The following ATXN7L2 variants were observed in gnomAD, a reference collection of about 807,000 sequenced individuals.
ATXN7L2 encodes the protein ataxin-7-like protein 2.
A neutral mutation model predicts 59.6 loss-of-function variants in ATXN7L2; 17 were observed. The observed-to-expected ratio is 0.29, with a 90% CI of 0.20 to 0.43. The LOEUF (loss-of-function observed/expected upper bound fraction) is 0.43, where lower values mean the gene tolerates loss of function less well. Among genes scored for constraint, ATXN7L2 ranks in the 20% least tolerant of loss-of-function variants. The probability of loss-of-function intolerance (pLI) is 1.00; values close to 1 mark genes in which losing one functional copy is unlikely to be tolerated. For missense variants in ATXN7L2, 858 were observed against 1,008.9 expected, an observed-to-expected ratio of 0.85 and a Z score of 2.03; for synonymous variants, 378 against 392.5, an observed-to-expected ratio of 0.96 and a Z score of 0.44.
Position 109,491,741 on chromosome 1 carries a change from T to C in ATXN7L2, c.2250+24T>C, listed in dbSNP as rs1174162334. ...AGGTACCAGCCAGGCTCCCTGAAGATTGATGAGGGTGGGGCACACAGGGGG... is the reference window on the plus strand; with the variant it reads ...AGGTACCAGCCAGGCTCCCTGAAGACTGATGAGGGTGGGGCACACAGGGGG... On this transcript the variant is annotated intron_variant, in intron 10 of 10. Coordinates refer to ENST00000683729, the MANE Select transcript of ATXN7L2 (RefSeq NM_001350175.2). This position sits in a 1 kb window ranked among gnomAD's most constrained non-coding sequence, Gnocchi z 4.1. 1.3e-6 allele frequency: 2 copies of C among 1,557,948 alleles called. No homozygotes were observed. The highest frequency in any genetic ancestry group is 1.7e-6 in the Non-Finnish European group (2 of 1,148,938).
chr1:109,489,461 A>G (rs1656855089), intron 7 of ATXN7L2: 1 of 343,276 alleles, frequency 2.9e-6, no homozygotes, highest in South Asian at 4.1e-5. Flanking sequence ...TGCAGAGGCT[A>G]TGCCGGACCC....
chr1:109,487,599 C>G lies in ATXN7L2; in HGVS notation c.591C>G (p.Pro197=), dbSNP rs770335760. The change falls in exon 5 of 11, where the codon CCC becomes CCG. Residue 197 remains proline (P), a synonymous_variant. Transcript: ENST00000683729. ...GACATGGAATCAGGGTGGCCCCACC[C>G]TCTGCTTTTCTCAGCCAGCCAGGGG... ...PDGHGIRVAP[P]SAFLSQPGGL... is the part of the protein sequence containing the mutation. 1.3e-6 allele frequency: 2 copies of G among 1,577,540 alleles called. No individual in the cohort carries two copies. Among genetic ancestry groups the G allele is most frequent in the African/African-American group, 1.4e-5 (1 of 73,528 alleles).
rs1265024991 is a variant in ATXN7L2 at position 109,487,156 on chromosome 1, G to A, written c.448G>A (p.Gly150Ser). 3.1e-6 allele frequency: 5 copies of A among 1,605,494 alleles called. No individual in the cohort carries two copies. The highest frequency in any genetic ancestry group is 4.3e-6 in the Non-Finnish European group (5 of 1,175,944). Residue 150 changes from glycine to serine, a missense_variant, in exon 4 of 11, where the codon GGC becomes AGC. Around this residue, in one of 3 missense-constraint regions of ATXN7L2, gnomAD observed 734 missense variants for 862.3 expected, o/e 0.85. Coordinates refer to ENST00000683729, the MANE Select transcript of ATXN7L2 (RefSeq NM_001350175.2). ...CACGAAAACCTCCTCCAGGGAGAAG[G>A]GCCAGGGGTCCCGGAGCCGTGGCCA... Reference protein sequence around the residue: ...GSTKTSSREKGQGSRSRGHQP... With the variant: ...GSTKTSSREKSQGSRSRGHQP...
chr1:109,491,076 C>T lies in ATXN7L2; in HGVS notation c.1609C>T (p.Leu537Phe). 6.2e-7 allele frequency: 1 copy of T among 1,613,800 alleles called. No individual in the cohort carries two copies. Among genetic ancestry groups the T allele is most frequent in the Non-Finnish European group, 8.5e-7 (1 of 1,180,014 alleles). Residue 537 changes from leucine (L) to phenylalanine (F), a missense_variant, in exon 10 of 11, where the codon CTT becomes TTT. This residue lies in a region of ATXN7L2 where 734 missense variants were observed against 862.3 expected (regional missense o/e 0.85). Transcript: ENST00000683729. The surrounding 1 kb of genome is among the most constrained non-coding windows in gnomAD (Gnocchi z 4.1). ...PASMPPTKDN[L>F]VPSYPAGSPS... ...CTCCATGCCCCCCACCAAGGACAAC[C>T]TTGTCCCCAGCTACCCTGCAGGCTC...
chr1:109,484,134 C>T (rs966648910), intron 1 of ATXN7L2, 54 bp downstream of exon 1: 94 of 1,367,410 alleles, frequency 6.9e-5, no homozygotes, highest in Non-Finnish European at 8.5e-5. Flanking sequence ...CCCCTCCCCC[C>T]TTCCGGGCCC....
At position 109,486,627 on chromosome 1, in the gene ATXN7L2, G is replaced by A. The variant is rs1656600759; in HGVS notation, c.298+17G>A. 6.2e-7 allele frequency: 1 copy of A among 1,602,742 alleles called. No homozygotes were observed. Among genetic ancestry groups the A allele is most frequent in the Non-Finnish European group, 8.5e-7 (1 of 1,170,178 alleles). ...AGCACTGCGGTGAGGGGAGCCCTAG[G>A]GAGGAGATAAAGGGACAGGGGAAGG... On this transcript the variant is annotated intron_variant, in intron 3 of 10. Transcript: ENST00000683729. This position sits in a 1 kb window ranked among gnomAD's most constrained non-coding sequence, Gnocchi z 4.3.
chr1:109,487,724 G>A lies in ATXN7L2; in HGVS notation c.716G>A (p.Ser239Asn). ...NIEIIPSEGS[S>N]HWAEGSPPEK... ...GAGATCATCCCCAGTGAGGGGTCCAGTCACTGGGCTGAAGGCAGCCCTCCT... is the reference window on the plus strand; with the variant it reads ...GAGATCATCCCCAGTGAGGGGTCCAATCACTGGGCTGAAGGCAGCCCTCCT... Residue 239 changes from serine (S) to asparagine (N), a missense_variant, in exon 5 of 11, where the codon AGT becomes AAT. Transcript: ENST00000683729. 1 of 1,613,526 alleles carries A rather than the reference G, an allele frequency of 6.2e-7. No individual in the cohort carries two copies. Among genetic ancestry groups the A allele is most frequent in the Admixed American group, 1.7e-5 (1 of 59,954 alleles).
Position 109,486,317 on chromosome 1 carries a change from T to C in ATXN7L2, c.194-189T>C. ...ATCATAATCATAGGTGATTGCCCAC[T>C]CACCTGAAAGCGTATACCCTTTGGG... On this transcript the variant is annotated intron_variant, in intron 2 of 10. Transcript: ENST00000683729. This position sits in a 1 kb window ranked among gnomAD's most constrained non-coding sequence, Gnocchi z 4.3. 3 of 999,090 alleles carry C rather than the reference T, an allele frequency of 3.0e-6. No homozygotes were observed. Among genetic ancestry groups the C allele is most frequent in the Non-Finnish European group, 4.3e-6 (3 of 702,830 alleles). The allele number at this position is 999,090 out of a possible 1,614,324, so 61.9% of individuals were successfully genotyped here. A position where few individuals can be genotyped will look rare whatever the true frequency, so the allele number is the denominator to read the frequency against.
Position 109,486,385 on chromosome 1 carries a change from G to T in ATXN7L2, c.194-121G>T. On this transcript the variant is annotated intron_variant, in intron 2 of 10. Transcript: ENST00000683729. The surrounding 1 kb of genome is among the most constrained non-coding windows in gnomAD (Gnocchi z 4.3). ...CTGGAAGCTGGAAGCATTCAGCATG[G>T]AGCTTGTTATATCAGCGGGGAGGTG... 1 of 980,012 alleles carries T rather than the reference G, an allele frequency of 1.0e-6. No homozygotes were observed. The highest frequency in any genetic ancestry group is 2.6e-5 in the East Asian group (1 of 38,190). 60.7% of individuals were successfully genotyped at this position (980,012 alleles called of 1,614,324 possible).
At position 109,490,285 on chromosome 1, in the gene ATXN7L2, G is replaced by A. The variant is rs1345276432; in HGVS notation, c.1347G>A (p.Gly449=). The change falls in exon 9 of 11, where the codon GGG becomes GGA. Residue 449 remains glycine, a synonymous_variant. Transcript: ENST00000683729. ...PPRPQAFCTF[G]SRLVSPGCYV... The stretch of plus-strand genomic sequence containing the variant: ...TCTGCCTTTAGTTCTGCACCTTTGG[G>A]AGCCGGCTGGTGAGCCCAGGATGCT... 5 of 1,613,682 alleles carry A rather than the reference G, an allele frequency of 3.1e-6. No individual in the cohort carries two copies. In the East Asian group the frequency reaches 1.1e-4, roughly 36 times the overall value.
intron 1 of ATXN7L2, among the ~76,000 whole-genome samples, chr1:109,485,062 C>A (rs961756552): frequency 1.3e-5 from 2 of 152,110 alleles, no homozygotes; most frequent in African/African-American, 4.8e-5. Context: ...AGGAGCATAT[C>A]TGTTAATGGG....
Position 109,491,809 on chromosome 1 carries a change from A to G in ATXN7L2, c.2250+92A>G, listed in dbSNP as rs1474547927. 16 of 1,393,442 alleles carry G rather than the reference A, an allele frequency of 1.1e-5. No individual in the cohort carries two copies. The highest frequency in any genetic ancestry group is 1.3e-5 in the Non-Finnish European group (14 of 1,050,200). 86.3% of individuals were successfully genotyped at this position (1,393,442 alleles called of 1,614,324 possible). On this transcript the variant is annotated intron_variant, in intron 10 of 10. Transcript: ENST00000683729. This position sits in a 1 kb window ranked among gnomAD's most constrained non-coding sequence, Gnocchi z 4.1. Reference sequence around the variant, plus strand: ...ATGCTACATTGGTGTTTGTGCAGGGAAAGGGAGGAAGGGGAAGTTGAGAGA... The same window carrying G: ...ATGCTACATTGGTGTTTGTGCAGGGGAAGGGAGGAAGGGGAAGTTGAGAGA...
Position 109,488,803 on chromosome 1 carries a change from C to T in ATXN7L2, c.880-44C>T, listed in dbSNP as rs372863850. ...CACCCTGCCGTCCCTCACCCCTTCT[C>T]AGTTCATACCTACTCCCCAGCTCTC... is the stretch of plus-strand genomic sequence containing the variant. On this transcript the variant is annotated intron_variant, in intron 6 of 10. Coordinates refer to ENST00000683729, the MANE Select transcript of ATXN7L2 (RefSeq NM_001350175.2). The surrounding 1 kb of genome is among the most constrained non-coding windows in gnomAD (Gnocchi z 5.0). The T allele has an allele frequency of 1.3e-6, 2 of 1,584,968 alleles. No homozygotes were observed. The highest frequency in any genetic ancestry group is 2.3e-5 in the East Asian group (1 of 44,402).
chr1:109,484,186 C>G, intron 1 of ATXN7L2, 106 bp downstream of exon 1: 1 of 1,148,416 alleles, frequency 8.7e-7, no homozygotes, highest in South Asian at 2.9e-5. Flanking sequence ...CGCCGTCCGG[C>G]TCCCCGGCCC....
chr1:109,485,886 A>T, intron 1 of ATXN7L2, 171 bp from the exon 2 acceptor site: 1 of 1,258,568 alleles, frequency 7.9e-7, no homozygotes. Context: ...TAGCACCAGG[A>T]GCTTGTCACG....
rs2101030191 is a variant in ATXN7L2 at position 109,488,461 on chromosome 1, G to T, written c.875G>T (p.Cys292Phe). The change falls in exon 6 of 11, where the codon TGC becomes TTC. Residue 292 changes from cysteine (C) to phenylalanine (F), a missense_variant. By Grantham distance (205) the Cys-to-Phe change is radical (BLOSUM62 -2). This residue lies in a region of ATXN7L2 where 734 missense variants were observed against 862.3 expected (regional missense o/e 0.85). Coordinates refer to ENST00000683729, the MANE Select transcript of ATXN7L2 (RefSeq NM_001350175.2). This position sits in a 1 kb window ranked among gnomAD's most constrained non-coding sequence, Gnocchi z 5.0. ...AAGATCTGTACCCGCCTGTTGACCTGCAAGGTAACCCCCTTCCCACTGCAC... is the reference window on the plus strand; with the variant it reads ...AAGATCTGTACCCGCCTGTTGACCTTCAAGGTAACCCCCTTCCCACTGCAC... ...TKKICTRLLTCKIHSVHQRRE... is the reference protein window; with the variant it reads ...TKKICTRLLTFKIHSVHQRRE... The T allele has an allele frequency of 6.2e-7, 1 of 1,608,448 alleles. No individual in the cohort carries two copies. The highest frequency in any genetic ancestry group is 8.5e-7 in the Non-Finnish European group (1 of 1,176,662).
chr1:109,484,128 TC>T, intron 1 of ATXN7L2, 48 bp downstream of exon 1: 9 of 1,339,950 alleles, frequency 6.7e-6, no homozygotes, highest in Non-Finnish European at 4.8e-6. Flanking sequence ...CTATCTCCCC[TC>T]CCCCCTTCCG....
intron 5 of ATXN7L2, 59 bp downstream of exon 5, chr1:109,487,863 T>C: frequency 6.6e-7 from 1 of 1,518,572 alleles, no homozygotes; most frequent in African/African-American, 1.4e-5. Flanking sequence ...TTGGGCTGCT[T>C]TGTCCTTGGG....
chr1:109,491,208 C>T lies in ATXN7L2; in HGVS notation c.1741C>T (p.Pro581Ser). 6.2e-7 allele frequency: 1 copy of T among 1,614,140 alleles called. No individual in the cohort carries two copies. The highest frequency in any genetic ancestry group is 8.5e-7 in the Non-Finnish European group (1 of 1,180,046). ...NTPSPSFSKL[P>S]PSKASKSSKG... ...GCCATCCCCGTCCTTCAGCAAGCTG[C>T]CGCCTTCCAAGGCCAGCAAGTCATC... The change falls in exon 10 of 11, where the codon CCG (proline) becomes TCG (serine). Residue 581 changes from proline (P) to serine (S), a missense_variant. Physicochemically the swap from Pro to Ser is moderately conservative, Grantham distance 74. Transcript: ENST00000683729. The surrounding 1 kb of genome is among the most constrained non-coding windows in gnomAD (Gnocchi z 4.1).
Sources: allele counts gnomAD v4.1 joint callset (sites outside exome capture counted in the v4.1 genomes callset), GRCh38; gene constraint gnomAD v4.1.1; regional missense constraint gnomAD v4.1.1; non-coding constraint Gnocchi (gnomAD v3.1); transcripts MANE v1.5; gene names NCBI Gene and HGNC (gene_info 2026-07-23, HGNC 2026-07-21).